RAI14: variants seen among roughly 807,000 people sequenced by gnomAD.
RAI14 encodes the protein ankycorbin.
RAI14 carries 45 observed loss-of-function variants against 115.4 expected under a neutral mutation model. That is an observed-to-expected ratio of 0.39 (90% CI 0.31 to 0.50). The LOEUF is 0.50. Among genes scored for constraint, RAI14 ranks in the 20% least tolerant of loss-of-function variants. The pLI is 0.85. For missense variants in RAI14, 939 were observed against 1,131.2 expected, an observed-to-expected ratio of 0.83 and a Z score of 2.44; for synonymous variants, 371 against 415.4, an observed-to-expected ratio of 0.89 and a Z score of 1.30.
chr5:34,723,297 T>TCA (rs1743031442), intron 2 of RAI14, among the ~76,000 whole-genome samples: 1 of 152,074 alleles, frequency 6.6e-6, no homozygotes, highest in East Asian at 1.9e-4. Context: ...TTCTAAGGAA[T>TCA]TGGCTCATGT....
intron 2 of RAI14, among the ~76,000 whole-genome samples, chr5:34,688,727 C>T (rs187581936): frequency 1.1e-4 from 17 of 151,830 alleles, no homozygotes; most frequent in South Asian, 4.2e-4. Flanking sequence ...CAAATTGTTT[C>T]CCCAAGCACA....
At chr5:34,744,267 A>T (rs1420159659) in intron 2 of RAI14, among the ~76,000 whole-genome samples, 1 of 152,218 alleles carries the variant, frequency 6.6e-6, no homozygotes, top group Non-Finnish European at 1.5e-5. Flanking sequence ...GTTTGAGTAG[A>T]TCAAATCCTA....
chr5:34,703,011 T>G (rs1220568758), intron 2 of RAI14, among the ~76,000 whole-genome samples: 1 of 152,210 alleles, frequency 6.6e-6, no homozygotes, highest in Non-Finnish European at 1.5e-5. Context: ...CAGCCATAAA[T>G]AATCTTTAAA....
chr5:34,748,818 T>G (rs73763458), intron 2 of RAI14, among the ~76,000 whole-genome samples: 1 of 127,878 alleles, frequency 7.8e-6, no homozygotes, highest in Non-Finnish European at 1.7e-5. Flanking sequence ...AAATAAAAAT[T>G]AAAAAAAAAA....
intron 3 of RAI14, among the ~76,000 whole-genome samples, chr5:34,777,804 C>T (rs995634134): frequency 6.6e-6 from 1 of 151,858 alleles, no homozygotes; most frequent in East Asian, 1.9e-4. Context: ...AACAAAAAAA[C>T]CTGATCTCAT....
At chr5:34,663,522 A>G (rs1742863483) in intron 1 of RAI14, among the ~76,000 whole-genome samples, 1 of 152,230 alleles carries the variant, frequency 6.6e-6, no homozygotes, top group Admixed American at 6.5e-5. Context: ...GTCTAAAAAA[A>G]TAAATAAATA....
chr5:34,757,804 C>T, intron 3 of RAI14: 1 of 454,170 alleles, frequency 2.2e-6, no homozygotes, highest in Middle Eastern at 6.6e-4. Context: ...ATACATGTTC[C>T]CAAGTATAAG....
intron 16 of RAI14, among the ~76,000 whole-genome samples, chr5:34,826,934 C>T (rs1478185256): frequency 6.6e-6 from 1 of 152,174 alleles, no homozygotes; most frequent in East Asian, 1.9e-4. Context: ...AAATTTGTTT[C>T]CTGGGTCCAT....
At chr5:34,821,201 A>G (rs1756789125) in intron 13 of RAI14, among the ~76,000 whole-genome samples, 1 of 152,218 alleles carries the variant, frequency 6.6e-6, no homozygotes, top group South Asian at 2.1e-4. Flanking sequence ...GAATGACCCA[A>G]TCAAAGTATG....
intron 1 of RAI14, among the ~76,000 whole-genome samples, chr5:34,668,563 G>A (rs1324692998): frequency 6.6e-6 from 1 of 152,004 alleles, no homozygotes; most frequent in Non-Finnish European, 1.5e-5. Flanking sequence ...TGATTCAAAT[G>A]CTCTCACAAC....
chr5:34,807,109 T>C (rs552882982), intron 5 of RAI14, among the ~76,000 whole-genome samples: 13 of 152,296 alleles, frequency 8.5e-5, no homozygotes, highest in African/African-American at 2.9e-4. Flanking sequence ...TGGGAGTCAC[T>C]AGCGTTCATT....
chr5:34,830,747 C>T lies in RAI14; in HGVS notation c.2925C>T (p.Asn975=). 6.2e-7 allele frequency: 1 copy of T among 1,614,156 alleles called. No individual in the cohort carries two copies. The highest frequency in any genetic ancestry group is 1.3e-5 in the African/African-American group (1 of 75,072). Residue 975 remains asparagine (N), a synonymous_variant, in exon 18 of 18, where the codon AAC becomes AAT. Transcript: ENST00000265109. The stretch of plus-strand genomic sequence containing the variant: ...AGCAAATCCTTACCATGTGTAAAAA[C>T]CAGTCTCAAAAGAAGTAAAGTGGAT... ...VLKQILTMCK[N]QSQKK
At chr5:34,665,178 C>CATATATATATAT (rs201354748) in intron 1 of RAI14, among the ~76,000 whole-genome samples, 4 of 7,086 alleles carry the variant, frequency 5.6e-4, no homozygotes, top group Non-Finnish European at 9.3e-4. Context: ...TATATACACA[C>CATATATATATAT]ATATATATAT....
At chr5:34,805,891 C>T (rs571432727) in intron 5 of RAI14, among the ~76,000 whole-genome samples, 4 of 152,136 alleles carry the variant, frequency 2.6e-5, no homozygotes, top group African/African-American at 7.2e-5. Flanking sequence ...TCTCCCTTCC[C>T]GAACCCTCAG....
intron 3 of RAI14, among the ~76,000 whole-genome samples, chr5:34,785,609 G>GT (rs1752200902): frequency 6.6e-6 from 1 of 152,172 alleles, no homozygotes; most frequent in African/African-American, 2.4e-5. Flanking sequence ...GGCCAGTGCT[G>GT]TAGAGAAGTG....
In RAI14 at chr5:34,675,185, C is replaced by T. The variant is rs573987233; in HGVS notation, c.-48-11687C>T. ...GCTGGGATTATAGGCGTGAGCCTCC[C>T]GTGCCCAGGCCACTGGATCTTTTTA... On this transcript the variant is annotated intron_variant, in intron 1 of 17. Transcript: ENST00000265109. Among the ~76,000 whole-genome samples, 7 of 152,264 alleles carry T rather than the reference C, an allele frequency of 4.6e-5. No individual in the cohort carries two copies. The South Asian group carries it at 6.2e-4, about 14-fold the overall frequency.
intron 2 of RAI14, among the ~76,000 whole-genome samples, chr5:34,723,438 T>C (rs531477100): frequency 6.6e-6 from 1 of 152,306 alleles, no homozygotes; most frequent in Admixed American, 6.5e-5. Context: ...TCTAAGTCTT[T>C]TGGTCTTCAA....
At chr5:34,813,733 C>A in intron 11 of RAI14, 73 bp downstream of exon 11, 1 of 1,268,998 alleles carries the variant, frequency 7.9e-7, no homozygotes, top group Non-Finnish European at 1.1e-6. Flanking sequence ...TTTGTTTAGG[C>A]CAAAAAGGAA....
At chr5:34,733,609 C>T (rs1463900256) in intron 2 of RAI14, among the ~76,000 whole-genome samples, 1 of 152,200 alleles carries the variant, frequency 6.6e-6, no homozygotes, top group African/African-American at 2.4e-5. Flanking sequence ...GGACCCTTCT[C>T]TAAAGCACCT....
Sources: allele counts gnomAD v4.1 joint callset (sites outside exome capture counted in the v4.1 genomes callset), GRCh38; gene constraint gnomAD v4.1.1; transcripts MANE v1.5; gene names NCBI Gene and HGNC (gene_info 2026-07-23, HGNC 2026-07-21).